The following RAPGEF4 variants were observed in gnomAD, a reference collection of about 807,000 sequenced individuals.
RAPGEF4 encodes Rap guanine nucleotide exchange factor 4, also known as RAP guanine-nucleotide-exchange factor (GEF) 4.
In RAPGEF4, 66 loss-of-function variants were observed where a neutral mutation model predicts 147.9. That is an observed-to-expected ratio of 0.45 (90% CI 0.37 to 0.55). The LOEUF (loss-of-function observed/expected upper bound fraction) is 0.55. RAPGEF4 is among the 20% of genes least tolerant of loss of function. The pLI, the probability that RAPGEF4 is intolerant of heterozygous loss-of-function variation, is 0.00. For synonymous variants in RAPGEF4, 419 were observed against 442.7 expected, an observed-to-expected ratio of 0.95 and a Z score of 0.67; for missense variants, 1,071 against 1,257.3, an observed-to-expected ratio of 0.85 and a Z score of 2.24.
At chr2:173,017,033 A>T in intron 19 of RAPGEF4, 141 bp from the exon 20 acceptor site, 1 of 776,564 alleles carries the variant, frequency 1.3e-6, no homozygotes. Context: ...TATTACTATT[A>T]AAATGAGGAA....
At chr2:173,032,238 C>A (rs1697260547) in intron 26 of RAPGEF4, among the ~76,000 whole-genome samples, 1 of 152,134 alleles carries the variant, frequency 6.6e-6, no homozygotes, top group Admixed American at 6.5e-5. Flanking sequence ...GCATCCCTGG[C>A]CTCTCCCCAC....
chr2:172,983,680 T>G, intron 11 of RAPGEF4, 100 bp downstream of exon 11: 1 of 1,500,092 alleles, frequency 6.7e-7, no homozygotes, highest in South Asian at 1.4e-5. Flanking sequence ...AAAGAATGTC[T>G]GATTTTCACC....
intron 8 of RAPGEF4, among the ~76,000 whole-genome samples, chr2:172,961,480 T>G (rs1445111087): frequency 6.6e-6 from 1 of 152,224 alleles, no homozygotes; most frequent in East Asian, 1.9e-4. Flanking sequence ...AAGAAAATTT[T>G]TGTAATTTCT....
chr2:172,838,147 A>T (rs1399416454), intron 4 of RAPGEF4, among the ~76,000 whole-genome samples: 1 of 151,434 alleles, frequency 6.6e-6, no homozygotes, highest in Non-Finnish European at 1.5e-5. Context: ...AGTCTCTCAC[A>T]TTGCTACATA....
At chr2:172,822,310 G>A (rs1689154725) in intron 4 of RAPGEF4, among the ~76,000 whole-genome samples, 1 of 152,128 alleles carries the variant, frequency 6.6e-6, no homozygotes, top group Non-Finnish European at 1.5e-5. Context: ...TTACATACAT[G>A]TATTTTTCTA....
intron 5 of RAPGEF4, among the ~76,000 whole-genome samples, chr2:172,918,668 A>C (rs529203514): frequency 1.3e-5 from 2 of 152,270 alleles, no homozygotes; most frequent in African/African-American, 4.8e-5. Context: ...CTGTTCATGC[A>C]TGTCGGAAAC....
chr2:172,845,922 T>C (rs1259863286), intron 4 of RAPGEF4, among the ~76,000 whole-genome samples: 1 of 152,126 alleles, frequency 6.6e-6, no homozygotes, highest in African/African-American at 2.4e-5. Flanking sequence ...GCACAGTAGC[T>C]CAGGGGAATG....
chr2:172,979,205 G>T (rs966630015), intron 10 of RAPGEF4, among the ~76,000 whole-genome samples: 5 of 152,134 alleles, frequency 3.3e-5, no homozygotes, highest in African/African-American at 1.2e-4. Context: ...AGTGAGTTGT[G>T]CCGTGGATGC....
chr2:172,892,243 C>T (rs796734827), intron 4 of RAPGEF4, among the ~76,000 whole-genome samples: 8 of 152,250 alleles, frequency 5.3e-5, no homozygotes, highest in African/African-American at 1.9e-4. Context: ...CCTCATGCTC[C>T]CTATTAAGCA....
At chr2:172,937,634 C>T (rs960372835) in intron 6 of RAPGEF4, among the ~76,000 whole-genome samples, 2 of 152,112 alleles carry the variant, frequency 1.3e-5, no homozygotes, top group African/African-American at 4.8e-5. Flanking sequence ...ACTCCTGCCC[C>T]GCTTTCCATA....
At position 172,996,567 on chromosome 2, in the gene RAPGEF4, A is replaced by G; in HGVS notation, c.1579+13A>G. The G allele has an allele frequency of 6.6e-7, 1 of 1,506,572 alleles. No homozygotes were observed. Among genetic ancestry groups the G allele is most frequent in the Non-Finnish European group, 9.0e-7 (1 of 1,109,980 alleles). The allele number at this position is 1,506,572 out of a possible 1,614,324, so 93.3% of individuals were successfully genotyped here. ...AATGAAGCAACAGGTATACACATAG[A>G]ACCGTTTGCATGTCCATTAAATCCA... is the stretch of plus-strand genomic sequence containing the variant. On this transcript the variant is annotated intron_variant, in intron 16 of 30. Coordinates refer to ENST00000397081, the MANE Select transcript of RAPGEF4 (RefSeq NM_007023.4).
intron 4 of RAPGEF4, 183 bp downstream of exon 4, chr2:172,814,608 C>A (rs1044336407): frequency 6.0e-6 from 4 of 666,750 alleles, no homozygotes; most frequent in African/African-American, 3.6e-5. Flanking sequence ...ACAAGACATC[C>A]TTTTTTTTGT....
chr2:172,967,116 G>C (rs1294512038), intron 9 of RAPGEF4, 145 bp from the exon 10 acceptor site: 13 of 740,214 alleles, frequency 1.8e-5, no homozygotes, highest in Non-Finnish European at 2.6e-5. Flanking sequence ...TGCACAGTCT[G>C]GGCAGGGCAG....
At chr2:172,887,475 G>A (rs1697370453) in intron 4 of RAPGEF4, among the ~76,000 whole-genome samples, 2 of 152,226 alleles carry the variant, frequency 1.3e-5, no homozygotes, top group South Asian at 4.1e-4. Context: ...GGCAGGGGTT[G>A]TGAAACTATG....
chr2:172,962,095 C>T (rs1268341198), intron 8 of RAPGEF4, among the ~76,000 whole-genome samples: 1 of 152,168 alleles, frequency 6.6e-6, no homozygotes, highest in African/African-American at 2.4e-5. Context: ...AGTCTAATCC[C>T]TAACTTTTGA....
chr2:173,018,916 G>A, intron 22 of RAPGEF4, 114 bp downstream of exon 22: 1 of 1,125,574 alleles, frequency 8.9e-7, no homozygotes, highest in East Asian at 2.4e-5. Context: ...ATGAACTGGT[G>A]CTTATGTATG....
chr2:172,761,208 C>G (rs902267248), intron 1 of RAPGEF4, among the ~76,000 whole-genome samples: 1 of 151,492 alleles, frequency 6.6e-6, no homozygotes, highest in Admixed American at 6.6e-5. Context: ...TCACTGCAAC[C>G]TCTGCTCCCT....
intron 3 of RAPGEF4, among the ~76,000 whole-genome samples, chr2:172,809,633 G>A (rs57475155): frequency 3.3e-3 from 502 of 152,102 alleles, no homozygotes; most frequent in African/African-American, 0.011. Flanking sequence ...TGGAATTAAG[G>A]GATCCTCCTG....
chr2:172,783,855 AG>A (rs1684928027), intron 1 of RAPGEF4, among the ~76,000 whole-genome samples: 2 of 151,948 alleles, frequency 1.3e-5, no homozygotes, highest in South Asian at 4.2e-4. Context: ...GCAGATCTCT[AG>A]GGAGAGGGGC....
Sources: gnomAD v4.1 joint callset for allele counts (sites outside exome capture counted in the v4.1 genomes callset) on GRCh38, gnomAD v4.1.1 for gene constraint, MANE v1.5 for transcripts, NCBI Gene and HGNC (gene_info 2026-07-23, HGNC 2026-07-21) for gene names.